Variants in ATF7 observed in about 807,000 individuals in gnomAD.
ATF7 encodes the protein cyclic AMP-dependent transcription factor ATF-7.
Under a neutral mutation model 50.4 loss-of-function variants are expected in ATF7, and 10 were observed. That is an observed-to-expected ratio of 0.20 (90% CI 0.12 to 0.34). The LOEUF is 0.34. Ranked by LOEUF, ATF7 falls within the 10% of genes least tolerant of loss-of-function variation. The pLI, the probability that ATF7 is intolerant of heterozygous loss-of-function variation, is 1.00. For missense variants in ATF7, 465 were observed against 613.9 expected, an observed-to-expected ratio of 0.76 and a Z score of 2.56; for synonymous variants, 201 against 226.4, an observed-to-expected ratio of 0.89 and a Z score of 1.01.
chr12:53,616,166 G>A (rs1944108256), intron 1 of ATF7, among the ~76,000 whole-genome samples: 1 of 152,128 alleles, frequency 6.6e-6, no homozygotes. Context: ...GACCACAGAT[G>A]TCCATGCCAC....
chr12:53,595,720 T>C (rs11829992), intron 2 of ATF7, among the ~76,000 whole-genome samples: 6,013 of 152,272 alleles, frequency 0.039, 361 homozygotes, highest in African/African-American at 0.13. Flanking sequence ...TCCTATTATA[T>C]GACAAGATAA....
intron 8 of ATF7, 135 bp from the exon 9 acceptor site, chr12:53,532,031 T>C: frequency 9.8e-7 from 1 of 1,018,178 alleles, no homozygotes; most frequent in Middle Eastern, 3.2e-4. Flanking sequence ...ACAGAGGAAT[T>C]AAGAGAAAAT....
chr12:53,530,070 C>A (rs956264054), intron 9 of ATF7, among the ~76,000 whole-genome samples: 3 of 152,052 alleles, frequency 2.0e-5, no homozygotes, highest in Non-Finnish European at 4.4e-5. Context: ...TAAAAATAAA[C>A]AAATAAAACT....
At chr12:53,564,375 CA>C (rs988777862) in intron 2 of ATF7, among the ~76,000 whole-genome samples, 5 of 152,152 alleles carry the variant, frequency 3.3e-5, no homozygotes, top group Non-Finnish European at 5.9e-5. Flanking sequence ...GACTCTGTTT[CA>C]AAATATAAAC....
chr12:53,545,486 G>A (rs1248821070), intron 3 of ATF7, among the ~76,000 whole-genome samples: 2 of 152,076 alleles, frequency 1.3e-5, no homozygotes, highest in African/African-American at 2.4e-5. Context: ...GCAGGCGCGC[G>A]CCACTATGCC....
At chr12:53,559,487 T>C (rs1940962784) in intron 2 of ATF7, among the ~76,000 whole-genome samples, 1 of 152,022 alleles carries the variant, frequency 6.6e-6, no homozygotes, top group African/African-American at 2.4e-5. Flanking sequence ...GAGACCAGCC[T>C]GGCCAACACG....
chr12:53,587,365 T>C (rs551671719), intron 2 of ATF7, among the ~76,000 whole-genome samples: 1 of 29,984 alleles, frequency 3.3e-5, no homozygotes, highest in African/African-American at 1.2e-4. Flanking sequence ...AAATTCCGCA[T>C]CAAAAAAAAA....
intron 2 of ATF7, among the ~76,000 whole-genome samples, chr12:53,574,210 TAAG>T (rs1471445960): frequency 3.3e-5 from 5 of 151,980 alleles, no homozygotes; most frequent in Admixed American, 3.3e-4. Context: ...ATGGATAATA[TAAG>T]AAGAGAGATG....
intron 3 of ATF7, among the ~76,000 whole-genome samples, chr12:53,550,025 G>A (rs1395255153): frequency 1.3e-5 from 2 of 151,982 alleles, no homozygotes; most frequent in East Asian, 2.0e-4. Flanking sequence ...GCCTTAAATA[G>A]CTTTAAAGAG....
At chr12:53,575,407 T>TAAAAAAAAAAAAAAAAAAAA (rs554041037) in intron 2 of ATF7, among the ~76,000 whole-genome samples, 1 of 121,796 alleles carries the variant, frequency 8.2e-6, no homozygotes, top group African/African-American at 3.1e-5. Context: ...AACTCTGTCT[T>TAAAAAAAAAAAAAAAAAAAA]AAAAAAAAAA....
chr12:53,613,908 A>C (rs1358743736), intron 1 of ATF7, among the ~76,000 whole-genome samples: 1 of 151,734 alleles, frequency 6.6e-6, no homozygotes. Context: ...ATACACAAGC[A>C]GTAGAGGGCC....
chr12:53,557,601 G>A (rs1940831984), intron 2 of ATF7, among the ~76,000 whole-genome samples: 1 of 152,188 alleles, frequency 6.6e-6, no homozygotes, highest in African/African-American at 2.4e-5. Flanking sequence ...GAACACACTT[G>A]CCCTCACTGT....
Position 53,514,608 on chromosome 12 carries a change from T to C in ATF7, c.*2529A>G, listed in dbSNP as rs1371562640. 1 of 152,202 alleles carries C rather than the reference T, an allele frequency of 6.6e-6. No individual in the cohort carries two copies. The highest frequency in any genetic ancestry group is 1.5e-5 in the Non-Finnish European group (1 of 68,048). The allele number at this position is 152,202 out of a possible 1,614,324, so 9.4% of individuals were successfully genotyped here. A position where few individuals can be genotyped will look rare whatever the true frequency, so the allele number is the denominator to read the frequency against. On this transcript the variant is annotated 3_prime_UTR_variant, in exon 12 of 12. Transcript: ENST00000420353. ...CTGACCTGCTGCTTCCTTATTTCAG[T>C]GCCATTTTGTTACTGTGGTTCTGGC...
chr12:53,508,683 C>A (rs1944071525), downstream of ATF7, among the ~76,000 whole-genome samples: 5 of 152,274 alleles, frequency 3.3e-5, no homozygotes, highest in African/African-American at 1.2e-4. Flanking sequence ...TTCCGACCTG[C>A]CTCATCGCCC....
At chr12:53,586,838 T>C (rs1025460654) in intron 2 of ATF7, among the ~76,000 whole-genome samples, 6 of 152,036 alleles carry the variant, frequency 3.9e-5, no homozygotes, top group Admixed American at 1.3e-4. Context: ...CACACACAAC[T>C]AACTGGTCTA....
At chr12:53,530,218 CAAATG>C (rs921640383) in intron 9 of ATF7, among the ~76,000 whole-genome samples, 5 of 152,146 alleles carry the variant, frequency 3.3e-5, no homozygotes, top group African/African-American at 1.2e-4. Context: ...CAGGAAAACT[CAAATG>C]AAAGCTTTTG....
intron 11 of ATF7, 108 bp downstream of exon 11, chr12:53,523,168 G>A: frequency 1.2e-6 from 1 of 834,552 alleles, no homozygotes; most frequent in South Asian, 1.6e-5. Flanking sequence ...CATCAGCGTG[G>A]GGTCCCCAGA....
At chr12:53,535,112 G>A (rs1939139021) in intron 5 of ATF7, among the ~76,000 whole-genome samples, 1 of 152,142 alleles carries the variant, frequency 6.6e-6, no homozygotes, top group African/African-American at 2.4e-5. Context: ...GGCTATGGAA[G>A]TTTGGATAAT....
At chr12:53,536,547 G>A (rs1418325378) in intron 5 of ATF7, among the ~76,000 whole-genome samples, 1 of 151,642 alleles carries the variant, frequency 6.6e-6, no homozygotes, top group Admixed American at 6.6e-5. Context: ...AAAGTGCTGG[G>A]ATTACAGGCA....
Sources: gnomAD v4.1 joint callset for allele counts (sites outside exome capture counted in the v4.1 genomes callset) on GRCh38, gnomAD v4.1.1 for gene constraint, MANE v1.5 for transcripts, NCBI Gene and HGNC (gene_info 2026-07-23, HGNC 2026-07-21) for gene names.